LRCH1: variants seen among roughly 807,000 people sequenced by gnomAD.
LRCH1 encodes the protein leucine-rich repeat and calponin homology domain-containing protein 1.
LRCH1 carries 23 observed loss-of-function variants against 94.9 expected under a neutral mutation model. That is an observed-to-expected ratio of 0.24 (90% CI 0.17 to 0.34). LRCH1 has a LOEUF of 0.34. LRCH1 is among the 10% of genes least tolerant of loss of function. The probability of loss-of-function intolerance (pLI) is 1.00; values close to 1 mark genes in which losing one functional copy is unlikely to be tolerated. For missense variants in LRCH1, 790 were observed against 945.9 expected, an observed-to-expected ratio of 0.84 and a Z score of 2.16; for synonymous variants, 364 against 354.9, an observed-to-expected ratio of 1.03 and a Z score of -0.29.
At chr13:46,577,265 T>A (rs1283795610) in intron 1 of LRCH1, among the ~76,000 whole-genome samples, 1 of 152,044 alleles carries the variant, frequency 6.6e-6, no homozygotes, top group Non-Finnish European at 1.5e-5. Context: ...CCTGGCTAAT[T>A]TTTGTATCTT....
chr13:46,730,294 T>C (rs1342033607), intron 18 of LRCH1, among the ~76,000 whole-genome samples: 1 of 152,238 alleles, frequency 6.6e-6, no homozygotes, highest in Non-Finnish European at 1.5e-5. Context: ...TGAAGTAAGA[T>C]ACTTCATGTA....
intron 3 of LRCH1, 104 bp from the exon 4 acceptor site, chr13:46,681,637 T>A (rs1472960803): frequency 1.3e-6 from 1 of 767,166 alleles, no homozygotes; most frequent in Middle Eastern, 2.3e-4. Flanking sequence ...AAAGTGTACC[T>A]GTGTAGTTGT....
chr13:46,683,153 A>C (rs952365588), intron 4 of LRCH1, among the ~76,000 whole-genome samples: 1 of 152,258 alleles, frequency 6.6e-6, no homozygotes, highest in Non-Finnish European at 1.5e-5. Context: ...TTAATCTGAC[A>C]TTAATGGAAC....
At chr13:46,719,843 CA>C (rs900295427) in intron 16 of LRCH1, among the ~76,000 whole-genome samples, 4 of 151,240 alleles carry the variant, frequency 2.6e-5, no homozygotes, top group African/African-American at 9.7e-5. Context: ...ACTAAAAATA[CA>C]AAATTTAGCC....
At chr13:46,731,340 C>T (rs1221381056) in intron 18 of LRCH1, among the ~76,000 whole-genome samples, 1 of 152,064 alleles carries the variant, frequency 6.6e-6, no homozygotes, top group Non-Finnish European at 1.5e-5. Context: ...AGGGTTCAAG[C>T]GTGGCTCAGC....
intron 2 of LRCH1, among the ~76,000 whole-genome samples, chr13:46,665,127 GAGGTATATTC>G (rs1157598439): frequency 1.3e-5 from 2 of 152,146 alleles, no homozygotes; most frequent in African/African-American, 4.8e-5. Flanking sequence ...TGAAAATACA[GAGGTATATTC>G]CAGTAGAATT....
Position 46,741,902 on chromosome 13 carries a change from T to G in LRCH1, c.*54T>G. ...TCTGTCGCCCTCAACCTTTGCAGGGTCCTTCCTACCTTTGAGCCTTTGCCT... is the reference window on the plus strand; with the variant it reads ...TCTGTCGCCCTCAACCTTTGCAGGGGCCTTCCTACCTTTGAGCCTTTGCCT... On this transcript the variant is annotated 3_prime_UTR_variant, in exon 20 of 20. Coordinates refer to ENST00000389797, the MANE Select transcript of LRCH1 (RefSeq NM_001164211.2). The G allele has an allele frequency of 6.2e-7, 1 of 1,608,206 alleles. No individual in the cohort carries two copies. Among genetic ancestry groups the G allele is most frequent in the East Asian group, 2.2e-5 (1 of 44,784 alleles).
chr13:46,673,716 T>G (rs941660767), intron 3 of LRCH1, among the ~76,000 whole-genome samples: 1 of 151,882 alleles, frequency 6.6e-6, no homozygotes, highest in Non-Finnish European at 1.5e-5. Flanking sequence ...TTTAAATTGT[T>G]CACATTAGAC....
intron 3 of LRCH1, chr13:46,679,735 G>C (rs1377795101): frequency 1.3e-5 from 2 of 152,298 alleles, no homozygotes; most frequent in African/African-American, 4.8e-5. Flanking sequence ...CCATCAGACA[G>C]CTGTACAGAG....
At chr13:46,568,563 C>A (rs1419537055) in intron 1 of LRCH1, among the ~76,000 whole-genome samples, 5 of 152,112 alleles carry the variant, frequency 3.3e-5, no homozygotes, top group Non-Finnish European at 7.3e-5. Flanking sequence ...TTAGTAAAGT[C>A]TTAGACATTT....
At chr13:46,709,761 A>G (rs1871963009) in intron 13 of LRCH1, among the ~76,000 whole-genome samples, 1 of 151,958 alleles carries the variant, frequency 6.6e-6, no homozygotes. Flanking sequence ...TATTTGGTAT[A>G]AGGAATTCTC....
At position 46,743,865 on chromosome 13, in the gene LRCH1, AT is replaced by A. The variant is rs1873790454; in HGVS notation, c.*2019del. The stretch of plus-strand genomic sequence containing the variant: ...TTCAATTAAAACATGTTAAAGACAA[AT>A]TAAAAGACATTTATATTTTAATTCT... On this transcript the variant is annotated 3_prime_UTR_variant, in exon 20 of 20. Transcript: ENST00000389797. 1 of 984,274 alleles carries A rather than the reference AT, an allele frequency of 1.0e-6. No individual in the cohort carries two copies. Among genetic ancestry groups the A allele is most frequent in the Admixed American group, 6.1e-5 (1 of 16,268 alleles). The allele number at this position is 984,274 out of a possible 1,614,324, so 61.0% of individuals were successfully genotyped here. A position where few individuals can be genotyped will look rare whatever the true frequency, so the allele number is the denominator to read the frequency against.
chr13:46,687,828 T>C (rs773661136), intron 5 of LRCH1, 24 bp from the exon 6 acceptor site: 24 of 1,593,450 alleles, frequency 1.5e-5, no homozygotes, highest in Non-Finnish European at 1.8e-5. Context: ...AAAATGAATA[T>C]GATTGCTATT....
intron 2 of LRCH1, among the ~76,000 whole-genome samples, chr13:46,654,992 A>G (rs2051352481): frequency 6.6e-6 from 1 of 152,188 alleles, no homozygotes; most frequent in Admixed American, 6.5e-5. Flanking sequence ...GAAATTATTA[A>G]TTTTGTATAT....
At chr13:46,619,332 G>C (rs1436526720) in intron 1 of LRCH1, among the ~76,000 whole-genome samples, 1 of 152,002 alleles carries the variant, frequency 6.6e-6, no homozygotes, top group Non-Finnish European at 1.5e-5. Context: ...GCTGGTCTCG[G>C]ACTCTTGGCC....
At chr13:46,712,244 A>C (rs1256211796) in intron 14 of LRCH1, among the ~76,000 whole-genome samples, 1 of 152,198 alleles carries the variant, frequency 6.6e-6, no homozygotes, top group Non-Finnish European at 1.5e-5. Context: ...GCATGCACCC[A>C]TGCACACAGC....
At chr13:46,568,141 A>C (rs1457120218) in intron 1 of LRCH1, among the ~76,000 whole-genome samples, 1 of 151,246 alleles carries the variant, frequency 6.6e-6, no homozygotes, top group Non-Finnish European at 1.5e-5. Flanking sequence ...AAGTCCATGC[A>C]ACACTCTTTT....
chr13:46,624,096 C>T (rs913659381), intron 1 of LRCH1, among the ~76,000 whole-genome samples: 4 of 151,976 alleles, frequency 2.6e-5, no homozygotes, highest in South Asian at 2.1e-4. Flanking sequence ...GTTTCCCAGG[C>T]TGGTCTTGAA....
chr13:46,607,541 G>A (rs1041667471), intron 1 of LRCH1, among the ~76,000 whole-genome samples: 3 of 152,108 alleles, frequency 2.0e-5, no homozygotes, highest in African/African-American at 7.2e-5. Flanking sequence ...AATAAATAGA[G>A]TCAGTGAGGA....
Sources: allele counts gnomAD v4.1 joint callset (sites outside exome capture counted in the v4.1 genomes callset), GRCh38; gene constraint gnomAD v4.1.1; transcripts MANE v1.5; gene names NCBI Gene and HGNC (gene_info 2026-07-23, HGNC 2026-07-21).